Variants in MYOM1 observed in about 807,000 individuals in gnomAD.
MYOM1 encodes myomesin 1.
A neutral mutation model predicts 205.3 loss-of-function variants in MYOM1; 164 were observed. The observed-to-expected ratio is 0.80, with a 90% CI of 0.70 to 0.91. The LOEUF (loss-of-function observed/expected upper bound fraction) is 0.91. Among genes scored for constraint, MYOM1 ranks in the 40% least tolerant of loss-of-function variants. The probability of loss-of-function intolerance (pLI) is 0.00; values close to 1 mark genes in which losing one functional copy is unlikely to be tolerated. For synonymous variants in MYOM1, 772 were observed against 789.4 expected (o/e 0.98, Z 0.37); for missense variants, 2,011 against 2,127.3 (o/e 0.95, Z 1.08).
Position 3,193,942 on chromosome 18 carries a change from G to C in MYOM1, c.307C>G (p.Leu103Val). 6.2e-7 allele frequency: 1 copy of C among 1,613,482 alleles called. No homozygotes were observed. Among genetic ancestry groups the C allele is most frequent in the Non-Finnish European group, 8.5e-7 (1 of 1,179,646 alleles). The change falls in exon 3 of 38, where the codon CTG becomes GTG. Residue 103 changes from leucine to valine, a missense_variant. Transcript: ENST00000356443. ...TTGGATGAATAATCATCTAACAGCA[G>C]ACTGGAATCTGTAAGTCTGAAATAA... ...GSSHGLTDSS[L>V]LLDDYSSKLS... is the part of the protein sequence containing the mutation.
chr18:3,072,350 C>CTTTTTTTTT (rs78331937), intron 36 of MYOM1, among the ~76,000 whole-genome samples: 4,401 of 56,042 alleles, frequency 0.079, 910 homozygotes, highest in African/African-American at 0.12. Context: ...CCGCACCCGG[C>CTTTTTTTTT]TTTTTTTTTT....
At chr18:3,167,260 G>T (rs1260902980) in intron 9 of MYOM1, among the ~76,000 whole-genome samples, 1 of 152,186 alleles carries the variant, frequency 6.6e-6, no homozygotes, top group African/African-American at 2.4e-5. Flanking sequence ...TTGACTGTGT[G>T]ATTTGGGGCA....
In MYOM1 at chr18:3,116,508, C is replaced by T. The variant is rs774428810; in HGVS notation, c.3126G>A (p.Pro1042=). The T allele has an allele frequency of 5.8e-6, 9 of 1,548,428 alleles. No homozygotes were observed. Among genetic ancestry groups the T allele is most frequent in the Admixed American group, 1.9e-5 (1 of 51,946 alleles). The part of the protein sequence containing the change: ...EEWTIAVPGP[P]HSLKCSEVRK... ...TGACTTCACTACACTTGAGACTGTGCGGTGGTCCTGAGAGAGAGAGAAGCC... is the reference window on the plus strand; with the variant it reads ...TGACTTCACTACACTTGAGACTGTGTGGTGGTCCTGAGAGAGAGAGAAGCC... The change falls in exon 21 of 38, where the codon CCG becomes CCA. Residue 1042 remains proline (P), a synonymous_variant. Transcript: ENST00000356443.
intron 10 of MYOM1, among the ~76,000 whole-genome samples, chr18:3,155,406 G>C (rs148821859): frequency 0.017 from 2,592 of 152,134 alleles, 75 homozygotes; most frequent in African/African-American, 0.058. Context: ...TTGTATTTTT[G>C]GTAGAGATGG....
intron 2 of MYOM1, among the ~76,000 whole-genome samples, chr18:3,199,856 C>T (rs557083022): frequency 6.6e-6 from 1 of 151,940 alleles, no homozygotes; most frequent in East Asian, 1.9e-4. Flanking sequence ...AAAAAAATTA[C>T]CTGCACACTT....
the MYOM1 span, among the ~76,000 whole-genome samples, chr18:3,232,683 T>C: frequency 2.0e-5 from 3 of 152,252 alleles, no homozygotes; most frequent in African/African-American, 7.2e-5. Context: ...AGGATACTTA[T>C]ACAATTCTAT....
intron 10 of MYOM1, among the ~76,000 whole-genome samples, chr18:3,160,105 T>C (rs1427886814): frequency 1.4e-5 from 2 of 147,434 alleles, no homozygotes; most frequent in South Asian, 2.2e-4. Context: ...TCCTCCTCCT[T>C]CTTCTTCTTC....
intron 8 of MYOM1, among the ~76,000 whole-genome samples, chr18:3,172,414 T>C (rs1401705812): frequency 6.6e-6 from 1 of 152,074 alleles, no homozygotes; most frequent in Non-Finnish European, 1.5e-5. Context: ...ATGATACAGT[T>C]GTGGAGATGG....
chr18:3,221,716 C>T (rs2081331901), upstream of MYOM1, among the ~76,000 whole-genome samples: 1 of 152,214 alleles, frequency 6.6e-6, no homozygotes, highest in South Asian at 2.1e-4. Flanking sequence ...AGCTTCTGAG[C>T]TACTCAAAGT....
intron 5 of MYOM1, among the ~76,000 whole-genome samples, chr18:3,176,590 T>C (rs1370428806): frequency 6.6e-6 from 1 of 152,188 alleles, no homozygotes; most frequent in Admixed American, 6.5e-5. Context: ...GTGTGTGCAA[T>C]CTACAAAAAT....
In MYOM1 at chr18:3,135,852, AG is replaced by A; in HGVS notation, c.2026-123del. 1.0e-6 allele frequency: 1 copy of A among 999,866 alleles called. No homozygotes were observed. The highest frequency in any genetic ancestry group is 1.5e-6 in the Non-Finnish European group (1 of 684,434). The allele number at this position is 999,866 out of a possible 1,614,324, so 61.9% of individuals were successfully genotyped here. A position where few individuals can be genotyped will look rare whatever the true frequency, so the allele number is the denominator to read the frequency against. On this transcript the variant is annotated intron_variant, in intron 14 of 37. Coordinates refer to ENST00000356443, the MANE Select transcript of MYOM1 (RefSeq NM_003803.4). This position sits in a 1 kb window ranked among gnomAD's most constrained non-coding sequence, Gnocchi z 4.1. ...CTCCCTGTAATGCAAGCTGGACTGG[AG>A]GAGAGATGAGGAGGAAATAGGGGAT... is the stretch of plus-strand genomic sequence containing the variant.
intron 22 of MYOM1, 102 bp from the exon 23 acceptor site, chr18:3,102,732 T>G: frequency 2.8e-5 from 33 of 1,176,970 alleles, no homozygotes; most frequent in Non-Finnish European, 3.2e-5. Flanking sequence ...AGTAGGGCCC[T>G]GATCCTAGGT....
rs1332051194 is a variant in MYOM1 at position 3,189,424 on chromosome 18, AT to A, written c.432-338del. Among the ~76,000 whole-genome samples the A allele has an allele frequency of 1.4e-4, 21 of 150,188 alleles. No homozygotes were observed. The highest frequency in any genetic ancestry group is 3.4e-3 in the Middle Eastern group (1 of 294). On this transcript the variant is annotated intron_variant, in intron 3 of 37. Coordinates refer to ENST00000356443, the MANE Select transcript of MYOM1 (RefSeq NM_003803.4). This position sits in a 1 kb window ranked among gnomAD's most constrained non-coding sequence, Gnocchi z 4.8. ...GCCCAGGCTGGAGTGCAGTGGTGCG[AT>A]CTCAGCTCACTGCAACCTTGGCCTC...
intron 2 of MYOM1, among the ~76,000 whole-genome samples, chr18:3,214,031 T>C (rs1253934942): frequency 1.3e-5 from 2 of 152,222 alleles, no homozygotes; most frequent in Non-Finnish European, 2.9e-5. Flanking sequence ...TAAACCTAAT[T>C]TTGTCGGAAT....
intron 22 of MYOM1, among the ~76,000 whole-genome samples, chr18:3,108,429 T>C (rs989877716): frequency 1.3e-5 from 2 of 152,188 alleles, no homozygotes; most frequent in African/African-American, 4.8e-5. Flanking sequence ...CTGTACATAG[T>C]AGACAAAAAA....
At position 3,131,360 on chromosome 18, in the gene MYOM1, G is replaced by C. The variant is rs1272570164; in HGVS notation, c.2506+15C>G. 2 of 1,613,394 alleles carry C rather than the reference G, an allele frequency of 1.2e-6. No individual in the cohort carries two copies. The highest frequency in any genetic ancestry group is 1.7e-6 in the Non-Finnish European group (2 of 1,179,650). On this transcript the variant is annotated intron_variant, in intron 17 of 37. Coordinates refer to ENST00000356443, the MANE Select transcript of MYOM1 (RefSeq NM_003803.4). ...ATCCATTTTTCCCCCATACAGTTAT[G>C]CATAAGGAACTTACCAATAGCAGCT...
chr18:3,108,579 T>A (rs924783916), intron 22 of MYOM1, among the ~76,000 whole-genome samples: 1 of 151,912 alleles, frequency 6.6e-6, no homozygotes, highest in South Asian at 2.1e-4. Flanking sequence ...AGTCTTGCTC[T>A]GTCACCCAGG....
chr18:3,129,148 A>G, intron 18 of MYOM1, 84 bp downstream of exon 18: 1 of 1,460,912 alleles, frequency 6.8e-7, no homozygotes, highest in Non-Finnish European at 9.1e-7. Context: ...GAAAGCAAAC[A>G]TGGATGAAGG....
chr18:3,128,458 A>C (rs1019157475), intron 18 of MYOM1, among the ~76,000 whole-genome samples: 1 of 152,246 alleles, frequency 6.6e-6, no homozygotes, highest in South Asian at 2.1e-4. Flanking sequence ...AAATATCCTA[A>C]TCAGATCATT....
Sources: allele counts gnomAD v4.1 joint callset (sites outside exome capture counted in the v4.1 genomes callset), GRCh38; gene constraint gnomAD v4.1.1; non-coding constraint Gnocchi (gnomAD v3.1); transcripts MANE v1.5; gene names NCBI Gene and HGNC (gene_info 2026-07-23, HGNC 2026-07-21).